Variants in GRAMD2B observed in about 807,000 individuals in gnomAD.
GRAMD2B encodes GRAM domain containing 2B.
A neutral mutation model predicts 59.2 loss-of-function variants in GRAMD2B; 41 were observed. The ratio of observed to expected loss-of-function variants is 0.69; its 90% CI spans 0.54 to 0.90. The LOEUF (loss-of-function observed/expected upper bound fraction) is 0.90. Among genes scored for constraint, GRAMD2B ranks in the 40% least tolerant of loss-of-function variants. The pLI, the probability that GRAMD2B is intolerant of heterozygous loss-of-function variation, is 0.00. For synonymous variants in GRAMD2B, 161 were observed against 182.7 expected, an observed-to-expected ratio of 0.88 and a Z score of 0.96; for missense variants, 424 against 500.5, an observed-to-expected ratio of 0.85 and a Z score of 1.46.
chr5:126,360,213 T>G, exon 1 of GRAMD2B: 1 of 1,206,972 alleles, frequency 8.3e-7, no homozygotes, highest in Non-Finnish European at 1.2e-6. Context: ...AGATAGCACT[T>G]GTGAGCGAAA....
chr5:126,411,053 T>A (rs1433735300), intron 1 of GRAMD2B, among the ~76,000 whole-genome samples: 1 of 152,176 alleles, frequency 6.6e-6, no homozygotes, highest in Non-Finnish European at 1.5e-5. Flanking sequence ...TCTCCCATTC[T>A]GTAAGTTGTC....
chr5:126,483,894 A>G (rs946797619), intron 9 of GRAMD2B, among the ~76,000 whole-genome samples: 4 of 152,250 alleles, frequency 2.6e-5, no homozygotes, highest in Non-Finnish European at 5.9e-5. Flanking sequence ...CAATGGCACA[A>G]TCTCGGCTCC....
chr5:126,380,174 C>T (rs1414297411), intron 1 of GRAMD2B, among the ~76,000 whole-genome samples: 6 of 152,122 alleles, frequency 3.9e-5, no homozygotes, highest in African/African-American at 1.2e-4. Flanking sequence ...TGTCCTTTCC[C>T]CACTTTTTGT....
At chr5:126,462,611 T>C (rs1647797725) in intron 1 of GRAMD2B, among the ~76,000 whole-genome samples, 1 of 152,170 alleles carries the variant, frequency 6.6e-6, no homozygotes, top group African/African-American at 2.4e-5. Context: ...AAATGACCAC[T>C]GTGAGCAAAT....
Position 126,493,071 on chromosome 5 carries a change from T to A in GRAMD2B, c.*115T>A. The A allele has an allele frequency of 1.4e-6, 1 of 734,286 alleles. No homozygotes were observed. Among genetic ancestry groups the A allele is most frequent in the East Asian group, 2.5e-5 (1 of 39,460 alleles). 45.5% of individuals were successfully genotyped at this position (734,286 alleles called of 1,614,324 possible). On this transcript the variant is annotated 3_prime_UTR_variant, in exon 14 of 14. Transcript: ENST00000285689. ...GGTCAGAGGTGCAAGCAGATGAGAA[T>A]CCAGACATTGCATGTGGAGGTCTCC...
At position 126,477,579 on chromosome 5, in the gene GRAMD2B, G is replaced by A. The variant is rs1211885037; in HGVS notation, c.487-113G>A. ...TTTTTTCATGGAGGCTGGAGAGCTT[G>A]CTGCTGGTTTTGATTTCTGTTTACC... On this transcript the variant is annotated intron_variant, in intron 5 of 13. Coordinates refer to ENST00000285689, the MANE Select transcript of GRAMD2B (RefSeq NM_023927.4). 9.5e-6 allele frequency: 7 copies of A among 735,854 alleles called. No individual in the cohort carries two copies. In the Admixed American group the frequency reaches 1.4e-4, roughly 14 times the overall value. The allele number at this position is 735,854 out of a possible 1,614,324, so 45.6% of individuals were successfully genotyped here. A position where few individuals can be genotyped will look rare whatever the true frequency, so the allele number is the denominator to read the frequency against.
intron 1 of GRAMD2B, among the ~76,000 whole-genome samples, chr5:126,391,107 CA>C (rs1414687622): frequency 6.6e-6 from 1 of 151,486 alleles, no homozygotes; most frequent in African/African-American, 2.4e-5. Flanking sequence ...GCATGAGTGA[CA>C]AAAAAATGAA....
At chr5:126,383,419 A>G (rs2149707473) in intron 1 of GRAMD2B, among the ~76,000 whole-genome samples, 1 of 152,346 alleles carries the variant, frequency 6.6e-6, no homozygotes, top group East Asian at 1.9e-4. Flanking sequence ...CCTGCCAAGA[A>G]GCACATAAGT....
rs150514784 is a variant in GRAMD2B at position 126,404,837 on chromosome 5, CAGA to C, written c.125+33278_125+33280del. ...CCTGTACACATGTAACAATAAATCA[CAGA>C]AGAAGAATTATACAACATAATAACA... On this transcript the variant is annotated intron_variant, in intron 1 of 8. Coordinates refer to the GRAMD2B transcript ENST00000506445. Among the ~76,000 whole-genome samples the C allele has an allele frequency of 5.0e-3, 755 of 151,940 alleles. 17 individuals are homozygous for C. The East Asian group carries it at 0.073, about 15-fold the overall frequency.
intron 1 of GRAMD2B, among the ~76,000 whole-genome samples, chr5:126,373,545 A>G (rs1367975377): frequency 6.6e-6 from 1 of 152,244 alleles, no homozygotes; most frequent in African/African-American, 2.4e-5. Flanking sequence ...TACAAGGCAC[A>G]GAGGTTACAA....
chr5:126,472,013 A>G (rs1769681806), intron 3 of GRAMD2B, among the ~76,000 whole-genome samples: 3 of 152,214 alleles, frequency 2.0e-5, no homozygotes. Flanking sequence ...CAGCAGCTGC[A>G]TCATTATATC....
intron 12 of GRAMD2B, among the ~76,000 whole-genome samples, 167 bp from the exon 13 acceptor site, chr5:126,488,632 G>A (rs941705163): frequency 1.3e-5 from 2 of 152,156 alleles, no homozygotes; most frequent in African/African-American, 4.8e-5. Context: ...TAAACATCTA[G>A]CCTGGAGTTG....
chr5:126,411,982 T>A (rs1758845491), intron 1 of GRAMD2B, among the ~76,000 whole-genome samples: 1 of 152,046 alleles, frequency 6.6e-6, no homozygotes, highest in South Asian at 2.1e-4. Context: ...CTTTACTAAG[T>A]CATTTTTAAG....
chr5:126,371,534 G>C, exon 1 of GRAMD2B: 2 of 1,289,216 alleles, frequency 1.6e-6, no homozygotes, highest in Non-Finnish European at 2.0e-6. Context: ...GCCTCACGCA[G>C]CTCCACAGAC....
At chr5:126,360,411 G>C (rs558227288) in exon 1 of GRAMD2B, 17 of 1,551,290 alleles carry the variant, frequency 1.1e-5, no homozygotes, top group Middle Eastern at 1.7e-4. Flanking sequence ...CCCTGGAAGA[G>C]TATGTTCCAC....
intron 1 of GRAMD2B, among the ~76,000 whole-genome samples, chr5:126,413,929 T>C (rs1472939525): frequency 6.6e-6 from 1 of 152,166 alleles, no homozygotes; most frequent in African/African-American, 2.4e-5. Flanking sequence ...GCAAGTCACT[T>C]GTCCAACGTA....
intron 1 of GRAMD2B, among the ~76,000 whole-genome samples, chr5:126,461,106 T>C (rs1171303136): frequency 6.6e-6 from 1 of 152,188 alleles, no homozygotes; most frequent in African/African-American, 2.4e-5. Flanking sequence ...TGAACCACAG[T>C]GAAACACTTG....
chr5:126,461,726 G>A (rs1470611772), intron 1 of GRAMD2B, among the ~76,000 whole-genome samples: 1 of 152,176 alleles, frequency 6.6e-6, no homozygotes, highest in Non-Finnish European at 1.5e-5. Context: ...CTTGAACCTG[G>A]GAGGTGGAGG....
rs72782493 is a variant in GRAMD2B at position 126,415,542 on chromosome 5, G to A, written c.125+43975G>A. ...AGGAAGGGTGGGAAGGAGGGAAAGA[G>A]GGAGGGCTACACAATTTGCCTCAAA... is the stretch of plus-strand genomic sequence containing the variant. On this transcript the variant is annotated intron_variant, in intron 1 of 8. Transcript: ENST00000506445. Among the ~76,000 whole-genome samples, 2 of 152,104 alleles carry A rather than the reference G, an allele frequency of 1.3e-5. 1 individual carries two copies. The highest frequency in any genetic ancestry group is 3.9e-4 in the East Asian group (2 of 5,192).
Sources: gnomAD v4.1 joint callset for allele counts (sites outside exome capture counted in the v4.1 genomes callset) on GRCh38, gnomAD v4.1.1 for gene constraint, MANE v1.5 for transcripts, NCBI Gene and HGNC (gene_info 2026-07-23, HGNC 2026-07-21) for gene names.